LRRTM4: variants seen among roughly 807,000 people sequenced by gnomAD.
The protein encoded by LRRTM4 is leucine-rich repeat transmembrane neuronal protein 4.
Under a neutral mutation model 47.6 loss-of-function variants are expected in LRRTM4, and 25 were observed. The observed-to-expected ratio is 0.53, with a 90% CI of 0.38 to 0.73. The LOEUF is 0.73. LRRTM4 is among the 30% of genes least tolerant of loss of function. The pLI, the probability that LRRTM4 is intolerant of heterozygous loss-of-function variation, is 0.00. For synonymous variants in LRRTM4, 311 were observed against 269.5 expected (o/e 1.15, Z -1.51); for missense variants, 638 against 713.4 (o/e 0.89, Z 1.20).
At chr2:77,018,189 G>T (rs1179997802) in intron 3 of LRRTM4, among the ~76,000 whole-genome samples, 1 of 137,560 alleles carries the variant, frequency 7.3e-6, no homozygotes, top group Non-Finnish European at 1.6e-5. Flanking sequence ...GTCCCCCAAA[G>T]AAAAATTTTT....
intron 3 of LRRTM4, among the ~76,000 whole-genome samples, chr2:76,810,034 C>T (rs969607657): frequency 3.3e-5 from 5 of 152,146 alleles, no homozygotes; most frequent in Non-Finnish European, 7.4e-5. Context: ...GTATCACCAG[C>T]TGATATTATG....
chr2:76,791,459 C>G (rs963310551), intron 3 of LRRTM4, among the ~76,000 whole-genome samples: 1 of 151,956 alleles, frequency 6.6e-6, no homozygotes, highest in Non-Finnish European at 1.5e-5. Flanking sequence ...GGAAAAAATC[C>G]AAGAACTTCA....
intron 3 of LRRTM4, among the ~76,000 whole-genome samples, chr2:76,797,827 T>A (rs1015066691): frequency 6.6e-6 from 1 of 151,244 alleles, no homozygotes; most frequent in Non-Finnish European, 1.5e-5. Flanking sequence ...TAGTCTCTGA[T>A]AAAACAGACT....
chr2:76,853,769 G>A (rs1312398750), intron 3 of LRRTM4, among the ~76,000 whole-genome samples: 2 of 152,076 alleles, frequency 1.3e-5, no homozygotes, highest in Non-Finnish European at 2.9e-5. Flanking sequence ...TTTCCAGAGG[G>A]CAAAGAAACA....
intron 3 of LRRTM4, among the ~76,000 whole-genome samples, chr2:77,411,360 G>T (rs1216607739): frequency 6.6e-6 from 1 of 151,742 alleles, no homozygotes; most frequent in Non-Finnish European, 1.5e-5. Flanking sequence ...ATTGGATGCC[G>T]GGGTCTTCGA....
At chr2:77,348,604 A>G (rs1671651893) in intron 3 of LRRTM4, among the ~76,000 whole-genome samples, 1 of 150,546 alleles carries the variant, frequency 6.6e-6, no homozygotes, top group East Asian at 2.0e-4. Flanking sequence ...TAAGAATATG[A>G]AAAACATTTA....
chr2:77,056,133 A>G (rs1329070566), intron 3 of LRRTM4, among the ~76,000 whole-genome samples: 1 of 151,658 alleles, frequency 6.6e-6, no homozygotes, highest in South Asian at 2.1e-4. Flanking sequence ...TGGCACATGT[A>G]TACATATGTA....
intron 3 of LRRTM4, among the ~76,000 whole-genome samples, chr2:77,024,843 C>A (rs1678398112): frequency 6.6e-6 from 1 of 152,048 alleles, no homozygotes; most frequent in Non-Finnish European, 1.5e-5. Context: ...CTAAGGATGT[C>A]TGGAAAGCCA....
intron 3 of LRRTM4, among the ~76,000 whole-genome samples, chr2:77,134,642 T>C (rs1330832753): frequency 3.3e-5 from 5 of 152,184 alleles, no homozygotes; most frequent in Non-Finnish European, 7.4e-5. Flanking sequence ...TTAATATTTT[T>C]TACTATTTTA....
At chr2:77,205,000 TAC>T (rs1384435560) in intron 3 of LRRTM4, among the ~76,000 whole-genome samples, 10 of 152,338 alleles carry the variant, frequency 6.6e-5, no homozygotes, top group Admixed American at 4.6e-4. Context: ...GTTGCTATTA[TAC>T]AGTTACAGAA....
chr2:77,478,452 A>G (rs906554665), intron 3 of LRRTM4, among the ~76,000 whole-genome samples: 2 of 152,196 alleles, frequency 1.3e-5, no homozygotes, highest in African/African-American at 4.8e-5. Context: ...AAAACTTTTT[A>G]TATGTAAACT....
chr2:77,443,235 G>A, intron 3 of LRRTM4, among the ~76,000 whole-genome samples: 1 of 152,248 alleles, frequency 6.6e-6, no homozygotes, highest in South Asian at 2.1e-4. Context: ...GTTTCAAAAG[G>A]AGAGAGTGAA....
At chr2:77,193,503 T>G (rs921199303) in intron 3 of LRRTM4, among the ~76,000 whole-genome samples, 1 of 152,142 alleles carries the variant, frequency 6.6e-6, no homozygotes, top group African/African-American at 2.4e-5. Context: ...GCTCTTTTTT[T>G]TTTTAACATT....
chr2:76,854,056 T>A (rs979655301), intron 3 of LRRTM4, among the ~76,000 whole-genome samples: 5 of 152,196 alleles, frequency 3.3e-5, no homozygotes, highest in Non-Finnish European at 5.9e-5. Context: ...GCAGTCACTC[T>A]GAGTTGGCAA....
chr2:77,248,518 C>G (rs1675510772), intron 3 of LRRTM4, among the ~76,000 whole-genome samples: 1 of 152,028 alleles, frequency 6.6e-6, no homozygotes, highest in Admixed American at 6.6e-5. Flanking sequence ...ATCCCAGAAG[C>G]TTATCTTGTA....
intron 3 of LRRTM4, among the ~76,000 whole-genome samples, chr2:76,943,250 C>G (rs2103867019): frequency 6.6e-6 from 1 of 152,196 alleles, no homozygotes; most frequent in Non-Finnish European, 1.5e-5. Flanking sequence ...GACTGGCTAA[C>G]ACGGTGAAAC....
chr2:76,845,478 G>A (rs557844530), intron 3 of LRRTM4, among the ~76,000 whole-genome samples: 9 of 152,142 alleles, frequency 5.9e-5, no homozygotes, highest in South Asian at 2.1e-4. Flanking sequence ...GTGCAGTAAC[G>A]TGAGTGGTGG....
chr2:77,239,376 AT>A (rs1675197590), intron 3 of LRRTM4, among the ~76,000 whole-genome samples: 1 of 151,898 alleles, frequency 6.6e-6, no homozygotes, highest in Non-Finnish European at 1.5e-5. Context: ...AAAAAGAAAA[AT>A]TATATTAACA....
intron 3 of LRRTM4, among the ~76,000 whole-genome samples, chr2:76,980,487 C>A (rs930268514): frequency 6.6e-6 from 1 of 152,038 alleles, no homozygotes; most frequent in Non-Finnish European, 1.5e-5. Flanking sequence ...AGTCCTACTA[C>A]CTTATGTGTC....
Sources: gnomAD v4.1 joint callset for allele counts (sites outside exome capture counted in the v4.1 genomes callset) on GRCh38, gnomAD v4.1.1 for gene constraint, MANE v1.5 for transcripts, NCBI Gene and HGNC (gene_info 2026-07-23, HGNC 2026-07-21) for gene names.